ANAPC4: variants seen among roughly 807,000 people sequenced by gnomAD.
The protein encoded by ANAPC4 is anaphase promoting complex subunit 4, also known as anaphase-promoting complex subunit 4.
A neutral mutation model predicts 119.8 loss-of-function variants in ANAPC4; 63 were observed. The ratio of observed to expected loss-of-function variants is 0.53; its 90% CI spans 0.43 to 0.65. The LOEUF (loss-of-function observed/expected upper bound fraction) is 0.65. Among genes scored for constraint, ANAPC4 ranks in the 30% least tolerant of loss-of-function variants. The probability of loss-of-function intolerance (pLI) is 0.00; values close to 1 mark genes in which losing one functional copy is unlikely to be tolerated. For missense variants in ANAPC4, 716 were observed against 945.1 expected, an observed-to-expected ratio of 0.76 and a Z score of 3.18; for synonymous variants, 283 against 318.6, an observed-to-expected ratio of 0.89 and a Z score of 1.19.
At chr4:25,384,076 A>G (rs1015504982) in intron 4 of ANAPC4, among the ~76,000 whole-genome samples, 3 of 152,236 alleles carry the variant, frequency 2.0e-5, no homozygotes, top group Non-Finnish European at 2.9e-5. Flanking sequence ...TGCTTTATCA[A>G]CTAAGTTTAT....
chr4:25,413,550 C>A, intron 21 of ANAPC4, 95 bp from the exon 22 acceptor site: 52 of 748,136 alleles, frequency 7.0e-5, no homozygotes, highest in East Asian at 7.0e-5. Flanking sequence ...TCGAGATAAA[C>A]TGTGCAGACT....
At chr4:25,412,149 A>G (rs929733594) in intron 21 of ANAPC4, among the ~76,000 whole-genome samples, 13 of 152,212 alleles carry the variant, frequency 8.5e-5, no homozygotes, top group African/African-American at 3.1e-4. Flanking sequence ...AGTGTGTTGT[A>G]AAGAATATGA....
chr4:25,405,579 T>G lies in ANAPC4; in HGVS notation c.1277T>G (p.Leu426Trp). The stretch of plus-strand genomic sequence containing the variant: ...TTTAACTTTGTATTTCCAGCAATGT[T>G]GAGAATGACAGAAGACCATGTGCTT... ...AFFRWLYVAMLRMTEDHVLPE... is the reference protein window; with the variant it reads ...AFFRWLYVAMWRMTEDHVLPE... Residue 426 changes from leucine to tryptophan, a missense_variant, in exon 18 of 29, where the codon TTG (leucine) becomes TGG (tryptophan). Transcript: ENST00000315368. This position sits in a 1 kb window ranked among gnomAD's most constrained non-coding sequence, Gnocchi z 4.6. 1 of 1,613,506 alleles carries G rather than the reference T, an allele frequency of 6.2e-7. No homozygotes were observed. Among genetic ancestry groups the G allele is most frequent in the East Asian group, 2.2e-5 (1 of 44,842 alleles).
At chr4:25,416,045 C>G (rs538213080) in intron 26 of ANAPC4, 2 of 167,426 alleles carry the variant, frequency 1.2e-5, no homozygotes, top group African/African-American at 4.7e-5. Flanking sequence ...GTTGCTGTGC[C>G]TATTTTTCAT....
At chr4:25,404,534 C>T (rs1723152771) in intron 17 of ANAPC4, among the ~76,000 whole-genome samples, 1 of 152,094 alleles carries the variant, frequency 6.6e-6, no homozygotes, top group South Asian at 2.1e-4. Flanking sequence ...ATCCTTACTA[C>T]ATATCCTAAC....
At chr4:25,394,564 T>G in intron 12 of ANAPC4, 107 bp from the exon 13 acceptor site, 1 of 1,277,228 alleles carries the variant, frequency 7.8e-7, no homozygotes, top group Non-Finnish European at 1.1e-6. Context: ...TGTGGGGCTA[T>G]TTCTTTATTT....
chr4:25,412,786 T>C (rs1191455502), intron 21 of ANAPC4: 4 of 152,166 alleles, frequency 2.6e-5, no homozygotes, highest in Non-Finnish European at 5.9e-5. Context: ...CTGTCACCTT[T>C]ATCACTCAGG....
intron 21 of ANAPC4, among the ~76,000 whole-genome samples, chr4:25,412,322 T>G (rs903151174): frequency 6.6e-6 from 1 of 152,138 alleles, no homozygotes; most frequent in Non-Finnish European, 1.5e-5. Flanking sequence ...TAGACATGAT[T>G]GATGAAGTCA....
intron 16 of ANAPC4, among the ~76,000 whole-genome samples, chr4:25,399,582 GCA>G (rs1054347360): frequency 2.0e-5 from 3 of 152,128 alleles, no homozygotes; most frequent in South Asian, 4.2e-4. Context: ...ATATCCAGCA[GCA>G]CACACAGTGT....
At chr4:25,388,609 CAG>C in intron 5 of ANAPC4, 35 bp downstream of exon 5, 1 of 1,569,242 alleles carries the variant, frequency 6.4e-7, no homozygotes, top group Non-Finnish European at 8.7e-7. Context: ...ATTAATCTTG[CAG>C]ATTTCTCTTT....
At position 25,407,265 on chromosome 4, in the gene ANAPC4, G is replaced by T; in HGVS notation, c.1431+12G>T. 2 of 1,591,022 alleles carry T rather than the reference G, an allele frequency of 1.3e-6. No individual in the cohort carries two copies. The highest frequency in any genetic ancestry group is 1.2e-5 in the South Asian group (1 of 86,914). On this transcript the variant is annotated intron_variant, in intron 20 of 28. Transcript: ENST00000315368. ...AAAGAGTTGGTCAGGTATGGGCTTT[G>T]AACTCATTTTAAAACCTTAGCAGTG...
intron 16 of ANAPC4, among the ~76,000 whole-genome samples, chr4:25,400,528 G>C (rs1170447780): frequency 6.6e-6 from 1 of 152,192 alleles, no homozygotes; most frequent in African/African-American, 2.4e-5. Context: ...CTGTGAAGCA[G>C]CTGTCTAGTC....
chr4:25,417,313 G>A (rs1000550539), intron 27 of ANAPC4: 2 of 181,620 alleles, frequency 1.1e-5, no homozygotes, highest in Non-Finnish European at 2.3e-5. Context: ...CAGAGATAGA[G>A]TCTTACTATG....
chr4:25,413,528 G>T (rs1560448476), intron 21 of ANAPC4, 117 bp from the exon 22 acceptor site: 3 of 680,804 alleles, frequency 4.4e-6, no homozygotes, highest in Admixed American at 3.2e-5. Flanking sequence ...AGTGGTCAGT[G>T]AAAATTCTAC....
At chr4:25,407,577 G>A (rs73254173) in intron 20 of ANAPC4, among the ~76,000 whole-genome samples, 61,544 of 151,464 alleles carry the variant, frequency 0.41, 14,532 homozygotes, top group Non-Finnish European at 0.52. Context: ...ACTTCACCCA[G>A]GGCGACAGAA....
chr4:25,394,211 T>C, intron 11 of ANAPC4, 99 bp from the exon 12 acceptor site: 2 of 989,254 alleles, frequency 2.0e-6, no homozygotes, highest in Non-Finnish European at 3.0e-6. Context: ...GATGGAAGTC[T>C]AAGGCAAGGA....
At position 25,394,689 on chromosome 4, in the gene ANAPC4, C is replaced by G; in HGVS notation, c.960C>G (p.Leu320=). The change falls in exon 13 of 29, where the codon CTC becomes CTG. Residue 320 remains leucine (L), a synonymous_variant. Transcript: ENST00000315368. ...WGKASAELQT[L]LMNQLTVKGL... ...ATTGTAGTGCTGAACTTCAGACTCT[C>G]TTGATGAATCAGTTAACAGTAAAGG... is the stretch of plus-strand genomic sequence containing the variant. 6.2e-7 allele frequency: 1 copy of G among 1,603,136 alleles called. No homozygotes were observed. The highest frequency in any genetic ancestry group is 2.2e-5 in the East Asian group (1 of 44,554).
Position 25,388,755 on chromosome 4 carries a change from C to G in ANAPC4, c.470+12C>G, listed in dbSNP as rs1243531831. ...TCAAAAATATTTAGGTAAGATACGC[C>G]TTTTCTTGTTTTCAAGTAAGATAAT... On this transcript the variant is annotated intron_variant, in intron 6 of 28. Transcript: ENST00000315368. 6.8e-6 allele frequency: 11 copies of G among 1,608,284 alleles called. No individual in the cohort carries two copies. The South Asian group carries it at 1.1e-4, about 16-fold the overall frequency.
At chr4:25,394,159 A>C (rs1362808206) in intron 11 of ANAPC4, 151 bp from the exon 12 acceptor site, 1 of 711,666 alleles carries the variant, frequency 1.4e-6, no homozygotes, top group African/African-American at 1.9e-5. Flanking sequence ...CTGATTGGCT[A>C]TCTTCTAGTC....
Sources: allele counts gnomAD v4.1 joint callset (sites outside exome capture counted in the v4.1 genomes callset), GRCh38; gene constraint gnomAD v4.1.1; non-coding constraint Gnocchi (gnomAD v3.1); transcripts MANE v1.5; gene names NCBI Gene and HGNC (gene_info 2026-07-23, HGNC 2026-07-21).